The following RHOU variants were observed in gnomAD, a reference collection of about 807,000 sequenced individuals.
The protein encoded by RHOU is rho-related GTP-binding protein RhoU.
A neutral mutation model predicts 12.6 loss-of-function variants in RHOU; 8 were observed. The observed-to-expected ratio is 0.64, with a 90% confidence interval of 0.37 to 1.15. RHOU has a LOEUF of 1.15. Ranked by LOEUF, RHOU falls within the 50% of genes most tolerant of loss-of-function variation. The pLI, the probability that RHOU is intolerant of heterozygous loss-of-function variation, is 0.01. For synonymous variants in RHOU, 161 were observed against 147.4 expected, an observed-to-expected ratio of 1.09 and a Z score of -0.67; for missense variants, 258 against 347.0, an observed-to-expected ratio of 0.74 and a Z score of 2.04.
the RHOU span, among the ~76,000 whole-genome samples, chr1:228,729,952 T>G: frequency 2.6e-5 from 4 of 152,260 alleles, no homozygotes; most frequent in Non-Finnish European, 5.9e-5. Context: ...ACCATGACAC[T>G]AACTGATGTT....
chr1:228,726,797 C>G, the RHOU span, among the ~76,000 whole-genome samples: 1 of 152,124 alleles, frequency 6.6e-6, no homozygotes, highest in African/African-American at 2.4e-5. Flanking sequence ...TTTGTGAGGA[C>G]TAAATATGAC....
chr1:228,695,130 C>T, the RHOU span, among the ~76,000 whole-genome samples: 2,251 of 152,092 alleles, frequency 0.015, 20 homozygotes, highest in African/African-American at 0.028. Flanking sequence ...CTACCACACC[C>T]GATTAATTTT....
chr1:228,713,790 G>T, the RHOU span, among the ~76,000 whole-genome samples: 124 of 152,300 alleles, frequency 8.1e-4, no homozygotes, highest in African/African-American at 2.9e-3. Flanking sequence ...ACTGGCATTG[G>T]AAGTGGGAGC....
chr1:228,686,285 T>C, the RHOU span, among the ~76,000 whole-genome samples: 1 of 152,168 alleles, frequency 6.6e-6, no homozygotes, highest in Non-Finnish European at 1.5e-5. Context: ...AGTTACTCAA[T>C]GTGTTTTATT....
chr1:228,742,785 C>G lies in RHOU; in HGVS notation c.322-500C>G, dbSNP rs1662751033. ...CAGATGGGATGAAATTGGCATCACTCAGAGCTGTTGGGAAAGGCAGGGCTG... is the reference window on the plus strand; with the variant it reads ...CAGATGGGATGAAATTGGCATCACTGAGAGCTGTTGGGAAAGGCAGGGCTG... On this transcript the variant is annotated intron_variant, in intron 2 of 2. Coordinates refer to ENST00000366691, the MANE Select transcript of RHOU (RefSeq NM_021205.6). Among the ~76,000 whole-genome samples, 10 of 152,270 alleles carry G rather than the reference C, an allele frequency of 6.6e-5. 1 individual carries two copies. Among genetic ancestry groups the G allele is most frequent in the Admixed American group, 6.5e-4 (10 of 15,288 alleles).
At chr1:228,717,557 A>G in the RHOU span, among the ~76,000 whole-genome samples, 2 of 152,240 alleles carry the variant, frequency 1.3e-5, no homozygotes, top group East Asian at 1.9e-4. Flanking sequence ...GGAGAAAGCC[A>G]TATTTATCAC....
chr1:228,663,159 C>T, the RHOU span, among the ~76,000 whole-genome samples: 3 of 152,180 alleles, frequency 2.0e-5, no homozygotes, highest in East Asian at 1.9e-4. Flanking sequence ...TTTATGACAG[C>T]GCAGTTGCAC....
At chr1:228,669,840 G>A in the RHOU span, among the ~76,000 whole-genome samples, 1 of 152,174 alleles carries the variant, frequency 6.6e-6, no homozygotes, top group African/African-American at 2.4e-5. Context: ...TCATAGTGAT[G>A]CTTAAAGGAT....
At chr1:228,730,830 G>A (rs1662480080), upstream of RHOU, among the ~76,000 whole-genome samples, 1 of 152,172 alleles carries the variant, frequency 6.6e-6, no homozygotes, top group Non-Finnish European at 1.5e-5. Context: ...TTCTGATTTG[G>A]TACTCAGTAA....
the RHOU span, among the ~76,000 whole-genome samples, chr1:228,707,167 CACATATATTAACA>C: frequency 3.3e-5 from 4 of 121,626 alleles, no homozygotes; most frequent in African/African-American, 1.4e-4. Flanking sequence ...CACATACACA[CACATATATTAACA>C]AAATATATAT....
chr1:228,676,543 ATCTC>A, the RHOU span, among the ~76,000 whole-genome samples: 3 of 152,208 alleles, frequency 2.0e-5, no homozygotes, highest in African/African-American at 4.8e-5. Context: ...TTTGGACTCT[ATCTC>A]TCTCTATATA....
the RHOU span, among the ~76,000 whole-genome samples, chr1:228,666,161 T>C: frequency 6.6e-6 from 1 of 152,130 alleles, no homozygotes; most frequent in Non-Finnish European, 1.5e-5. Flanking sequence ...GGTTTCACCA[T>C]GTTGGCCAGT....
the RHOU span, among the ~76,000 whole-genome samples, chr1:228,670,812 T>C: frequency 6.6e-6 from 1 of 152,090 alleles, no homozygotes; most frequent in Non-Finnish European, 1.5e-5. Context: ...GCTCTGGTGG[T>C]TTAAAAAGTG....
At chr1:228,722,985 C>G in the RHOU span, among the ~76,000 whole-genome samples, 2 of 152,198 alleles carry the variant, frequency 1.3e-5, no homozygotes, top group African/African-American at 4.8e-5. Context: ...CTGCGTCTAC[C>G]TTAAAGGCAT....
At chr1:228,646,799 C>T in the RHOU span, among the ~76,000 whole-genome samples, 2 of 151,972 alleles carry the variant, frequency 1.3e-5, no homozygotes, top group Non-Finnish European at 2.9e-5. Context: ...GGTGCGCAGA[C>T]GCACGCACAC....
the RHOU span, among the ~76,000 whole-genome samples, chr1:228,684,831 G>A: frequency 7.9e-5 from 12 of 152,072 alleles, no homozygotes; most frequent in Non-Finnish European, 1.2e-4. Flanking sequence ...TCCAGGAAAC[G>A]GTCCCGATAA....
the RHOU span, among the ~76,000 whole-genome samples, chr1:228,703,527 G>GAAA: frequency 7.4e-4 from 109 of 146,832 alleles, no homozygotes; most frequent in African/African-American, 1.6e-3. Context: ...CTCCATCTCT[G>GAAA]AAAAAAAAAA....
the RHOU span, among the ~76,000 whole-genome samples, chr1:228,713,624 C>T: frequency 1.1e-4 from 16 of 152,200 alleles, no homozygotes; most frequent in South Asian, 2.9e-3. Context: ...TGAGCCACCA[C>T]GCCCAGCCTG....
At chr1:228,742,965 A>C (rs997870293) in intron 2 of RHOU, among the ~76,000 whole-genome samples, 3 of 152,164 alleles carry the variant, frequency 2.0e-5, no homozygotes, top group African/African-American at 7.2e-5. Context: ...AGTCCATTTT[A>C]TTTCTAGAAC....
Sources: allele counts gnomAD v4.1 joint callset (sites outside exome capture counted in the v4.1 genomes callset), GRCh38; gene constraint gnomAD v4.1.1; transcripts MANE v1.5; gene names NCBI Gene and HGNC (gene_info 2026-07-23, HGNC 2026-07-21).